The following GRIK1 variants were observed in gnomAD, a reference collection of about 807,000 sequenced individuals.
The protein encoded by GRIK1 is glutamate receptor ionotropic, kainate 1.
In GRIK1, 69 loss-of-function variants were observed where a neutral mutation model predicts 105.7. The observed-to-expected ratio is 0.65, with a 90% CI of 0.54 to 0.80. The LOEUF (loss-of-function observed/expected upper bound fraction) is 0.80. GRIK1 is among the 30% of genes least tolerant of loss of function. The pLI, the probability that GRIK1 is intolerant of heterozygous loss-of-function variation, is 0.00. For missense variants in GRIK1, 1,109 were observed against 1,167.3 expected, an observed-to-expected ratio of 0.95 and a Z score of 0.73; for synonymous variants, 438 against 431.3, an observed-to-expected ratio of 1.02 and a Z score of -0.19.
chr21:29,561,947 G>A, intron 14 of GRIK1, 98 bp from the exon 15 acceptor site: 1 of 707,722 alleles, frequency 1.4e-6, no homozygotes, highest in Non-Finnish European at 2.5e-6. Context: ...TGATAGGGAG[G>A]ATACTTTCTC....
At chr21:29,542,574 A>G (rs2089989187) in intron 16 of GRIK1, among the ~76,000 whole-genome samples, 2 of 152,352 alleles carry the variant, frequency 1.3e-5, no homozygotes, top group Non-Finnish European at 1.5e-5. Context: ...AGTTTGCAGT[A>G]TTCAAAAAAC....
At chr21:29,760,668 C>A (rs139474290) in intron 1 of GRIK1, among the ~76,000 whole-genome samples, 18 of 152,252 alleles carry the variant, frequency 1.2e-4, no homozygotes, top group Admixed American at 9.2e-4. Flanking sequence ...AAAACAGTAC[C>A]GAATTTGAAA....
At chr21:29,557,054 T>C (rs1407928072) in intron 15 of GRIK1, among the ~76,000 whole-genome samples, 4 of 152,194 alleles carry the variant, frequency 2.6e-5, no homozygotes. Flanking sequence ...CTTTTAATTA[T>C]GTAAGGGTTG....
At chr21:29,872,253 G>A (rs945416812) in intron 1 of GRIK1, among the ~76,000 whole-genome samples, 2 of 147,380 alleles carry the variant, frequency 1.4e-5, no homozygotes, top group African/African-American at 2.5e-5. Flanking sequence ...GAGTGCAGTG[G>A]TGCGATCTTG....
intron 6 of GRIK1, among the ~76,000 whole-genome samples, chr21:29,646,122 T>A (rs1265230073): frequency 2.0e-5 from 3 of 152,174 alleles, no homozygotes; most frequent in Non-Finnish European, 2.9e-5. Flanking sequence ...GCTAAAAACA[T>A]GATTTATGAT....
chr21:29,836,766 C>T (rs1254250657), intron 1 of GRIK1, among the ~76,000 whole-genome samples: 1 of 152,102 alleles, frequency 6.6e-6, no homozygotes, highest in South Asian at 2.1e-4. Flanking sequence ...CGTGTCCATA[C>T]CTTTCTTAAT....
intron 6 of GRIK1, among the ~76,000 whole-genome samples, chr21:29,648,556 G>A (rs997997464): frequency 6.8e-5 from 10 of 147,732 alleles, no homozygotes; most frequent in Admixed American, 2.7e-4. Flanking sequence ...ATTTATTGAC[G>A]GTGTACTTCG....
chr21:29,559,948 C>T lies in GRIK1; in HGVS notation c.2356+1676G>A, dbSNP rs2898162. Among the ~76,000 whole-genome samples, 793 of 152,188 alleles carry T rather than the reference C, an allele frequency of 5.2e-3. 5 individuals are homozygous for T. The highest frequency in any genetic ancestry group is 8.6e-3 in the Non-Finnish European group (583 of 68,004). ...GTCTGTAATTTTCCATAATTGCCAC[C>T]GTTCCCTACTACCTCCTGGCACAAG... On this transcript the variant is annotated intron_variant, in intron 15 of 17. Transcript: ENST00000327783.
intron 1 of GRIK1, among the ~76,000 whole-genome samples, chr21:29,771,325 G>A (rs951790335): frequency 1.8e-4 from 28 of 152,174 alleles, no homozygotes; most frequent in African/African-American, 6.8e-4. Context: ...ATTCACTACT[G>A]TTAATAAATA....
chr21:29,672,348 A>C (rs542374012), intron 4 of GRIK1, among the ~76,000 whole-genome samples: 3 of 152,052 alleles, frequency 2.0e-5, no homozygotes, highest in Non-Finnish European at 4.4e-5. Flanking sequence ...CTTAAGACCA[A>C]GTGCTCAGAA....
chr21:29,718,163 A>G (rs1043682641), intron 1 of GRIK1, among the ~76,000 whole-genome samples: 2 of 152,128 alleles, frequency 1.3e-5, no homozygotes, highest in African/African-American at 4.8e-5. Flanking sequence ...TTTTTTATAA[A>G]TTACTCAGTC....
chr21:29,581,769 A>T (rs2091028479), intron 12 of GRIK1, among the ~76,000 whole-genome samples: 3 of 152,208 alleles, frequency 2.0e-5, no homozygotes, highest in African/African-American at 7.2e-5. Context: ...CAAATTGGTC[A>T]GCTGGAATTG....
At chr21:29,868,440 C>A (rs547346947) in intron 1 of GRIK1, among the ~76,000 whole-genome samples, 1 of 152,146 alleles carries the variant, frequency 6.6e-6, no homozygotes, top group Non-Finnish European at 1.5e-5. Flanking sequence ...TGTTACAAAG[C>A]GGTATAATGT....
At chr21:29,821,457 T>C (rs1569130484) in intron 1 of GRIK1, among the ~76,000 whole-genome samples, 1 of 152,036 alleles carries the variant, frequency 6.6e-6, no homozygotes, top group Non-Finnish European at 1.5e-5. Context: ...CCCATGCTGT[T>C]ATTAAAGGTT....
intron 7 of GRIK1, among the ~76,000 whole-genome samples, chr21:29,639,042 T>C (rs1488882690): frequency 6.6e-6 from 1 of 152,224 alleles, no homozygotes; most frequent in African/African-American, 2.4e-5. Context: ...TAGGTTGGTC[T>C]TTCCCTAAAT....
chr21:29,831,758 A>C (rs1460075793), intron 1 of GRIK1, among the ~76,000 whole-genome samples: 2 of 152,060 alleles, frequency 1.3e-5, no homozygotes, highest in Non-Finnish European at 2.9e-5. Context: ...CAGGGACACA[A>C]ATAAAAACAT....
chr21:29,929,522 T>C lies in GRIK1; in HGVS notation c.118+9861A>G, dbSNP rs112024148. On this transcript the variant is annotated intron_variant, in intron 1 of 17. Coordinates refer to ENST00000327783, the MANE Select transcript of GRIK1 (RefSeq NM_001330994.2). Reference sequence around the variant, plus strand: ...ATCCAAAGTATGTAAAACCATACACTATGGTCTATATTATTTTGTGTGCAT... The same window carrying C: ...ATCCAAAGTATGTAAAACCATACACCATGGTCTATATTATTTTGTGTGCAT... 1.1e-4 allele frequency among the ~76,000 whole-genome samples: 16 copies of C among 152,350 alleles called. 1 individual carries two copies. Among genetic ancestry groups the C allele is most frequent in the African/African-American group, 3.8e-4 (16 of 41,582 alleles).
intron 3 of GRIK1, among the ~76,000 whole-genome samples, chr21:29,673,464 C>A (rs1209945025): frequency 1.3e-5 from 2 of 152,148 alleles, no homozygotes; most frequent in Non-Finnish European, 2.9e-5. Context: ...ATCAAGCCTG[C>A]AACTGTAAAA....
intron 2 of GRIK1, among the ~76,000 whole-genome samples, 160 bp from the exon 3 acceptor site, chr21:29,690,145 G>A (rs1310525465): frequency 1.3e-5 from 2 of 152,104 alleles, no homozygotes; most frequent in African/African-American, 4.8e-5. Context: ...GAGGAAATAC[G>A]GTTGGTCCAA....
Sources: allele counts gnomAD v4.1 joint callset (sites outside exome capture counted in the v4.1 genomes callset), GRCh38; gene constraint gnomAD v4.1.1; transcripts MANE v1.5; gene names NCBI Gene and HGNC (gene_info 2026-07-23, HGNC 2026-07-21).